Variants in AAGAB observed in about 807,000 individuals in gnomAD.
The protein encoded by AAGAB is alpha and gamma adaptin binding protein, also known as alpha- and gamma-adaptin-binding protein p34.
AAGAB carries 38 observed loss-of-function variants against 44.1 expected under a neutral mutation model. The ratio of observed to expected loss-of-function variants is 0.86; its 90% confidence interval spans 0.67 to 1.13. AAGAB has a LOEUF of 1.13. Among genes scored for constraint, AAGAB ranks in the 50% most tolerant of loss-of-function variants. AAGAB has a pLI of 0.00. For missense variants in AAGAB, 450 were observed against 373.8 expected (o/e 1.20, Z -1.68); for synonymous variants, 131 against 131.8 (o/e 0.99, Z 0.04).
chr15:67,222,430 T>C (rs1174744351), intron 5 of AAGAB, among the ~76,000 whole-genome samples: 2 of 151,918 alleles, frequency 1.3e-5, no homozygotes, highest in Non-Finnish European at 2.9e-5. Context: ...TTTTCTCCTC[T>C]CTCCTCAAAT....
intron 1 of AAGAB, among the ~76,000 whole-genome samples, chr15:67,249,449 C>A (rs1406612184): frequency 1.3e-5 from 2 of 152,156 alleles, no homozygotes; most frequent in Non-Finnish European, 2.9e-5. Context: ...TCTCTGAGTT[C>A]ACTCAATTGA....
chr15:67,207,231 A>C (rs545503600), intron 7 of AAGAB, among the ~76,000 whole-genome samples: 2 of 152,248 alleles, frequency 1.3e-5, no homozygotes, highest in African/African-American at 4.8e-5. Context: ...CACACACACA[A>C]AAAGAAAGCA....
intron 5 of AAGAB, among the ~76,000 whole-genome samples, chr15:67,216,063 G>A (rs1437301056): frequency 1.3e-5 from 2 of 151,964 alleles, no homozygotes; most frequent in Non-Finnish European, 2.9e-5. Context: ...AACATGACCA[G>A]AAAATAATAA....
chr15:67,254,329 C>G, intron 1 of AAGAB: 1 of 1,230,710 alleles, frequency 8.1e-7, no homozygotes, highest in Non-Finnish European at 1.1e-6. Flanking sequence ...GGAAATCAGT[C>G]TCACTTTACA....
At chr15:67,233,956 T>C (rs1383347666) in intron 4 of AAGAB, among the ~76,000 whole-genome samples, 2 of 151,726 alleles carry the variant, frequency 1.3e-5, no homozygotes, top group Non-Finnish European at 2.9e-5. Context: ...AAATTGAAAA[T>C]ACTCTGCTGG....
intron 1 of AAGAB, among the ~76,000 whole-genome samples, chr15:67,249,772 C>A (rs2140400183): frequency 6.6e-6 from 1 of 152,272 alleles, no homozygotes; most frequent in South Asian, 2.1e-4. Flanking sequence ...GCATATAAAT[C>A]CTGAATTTGA....
chr15:67,221,793 T>C (rs1387799885), intron 5 of AAGAB, among the ~76,000 whole-genome samples: 1 of 152,236 alleles, frequency 6.6e-6, no homozygotes, highest in East Asian at 1.9e-4. Context: ...GGCAAGTGTC[T>C]TAATTTTTAG....
In AAGAB at chr15:67,236,418, CA is replaced by C; in HGVS notation, c.350del (p.Val117GlyfsTer6). On this transcript the variant is annotated frameshift_variant, in exon 3 of 10. Transcript: ENST00000261880. LOFTEE classifies it high-confidence loss of function. ...PEVMILVCDR[V>X]SEDGINRQKA... ...ATCCACAGGCCTTACCATCTTCAGA[CA>C]CTCTATCGCAGACCAAGATCATCAC... 1 of 1,614,044 alleles carries C rather than the reference CA, an allele frequency of 6.2e-7. No homozygotes were observed. Among genetic ancestry groups the C allele is most frequent in the Non-Finnish European group, 8.5e-7 (1 of 1,179,940 alleles).
intron 1 of AAGAB, among the ~76,000 whole-genome samples, chr15:67,243,733 C>G (rs1241354267): frequency 6.6e-6 from 1 of 152,142 alleles, no homozygotes; most frequent in Non-Finnish European, 1.5e-5. Context: ...TTCTGGAATG[C>G]AAAATTGGTT....
At chr15:67,254,231 T>C (rs1964999704) in intron 1 of AAGAB, 1 of 337,650 alleles carries the variant, frequency 3.0e-6, no homozygotes, top group Non-Finnish European at 5.3e-6. Flanking sequence ...CACCTTACAC[T>C]CCTGTAACCT....
chr15:67,207,020 A>G (rs575852315), intron 7 of AAGAB, among the ~76,000 whole-genome samples: 70 of 152,280 alleles, frequency 4.6e-4, no homozygotes, highest in African/African-American at 1.6e-3. Context: ...CGTCTCTACT[A>G]AAAAACAACA....
chr15:67,236,038 C>T lies in AAGAB; in HGVS notation c.392G>A (p.Cys131Tyr). The change falls in exon 4 of 10, where the codon TGC becomes TAC. Residue 131 changes from cysteine to tyrosine, a missense_variant. Physicochemically the swap from Cys to Tyr is radical, Grantham distance 194 (BLOSUM62 -2). Transcript: ENST00000261880. ...GINRQKAQEWCIKHGFELVEL... is the reference protein window; with the variant it reads ...GINRQKAQEWYIKHGFELVEL... The stretch of plus-strand genomic sequence containing the variant: ...TACCAATTCAAAGCCATGTTTGATG[C>T]ACCATTCTTGAGCTTTTTGTCGGTT... 3 of 1,613,162 alleles carry T rather than the reference C, an allele frequency of 1.9e-6. No individual in the cohort carries two copies. The highest frequency in any genetic ancestry group is 2.5e-6 in the Non-Finnish European group (3 of 1,179,470).
chr15:67,205,583 G>A (rs759203757), intron 7 of AAGAB, among the ~76,000 whole-genome samples: 6 of 152,208 alleles, frequency 3.9e-5, no homozygotes, highest in Non-Finnish European at 8.8e-5. Flanking sequence ...AGGCGACACC[G>A]TGTTGGGTGA....
intron 1 of AAGAB, among the ~76,000 whole-genome samples, chr15:67,249,291 T>C (rs111611305): frequency 1.3e-5 from 2 of 152,122 alleles, no homozygotes; most frequent in African/African-American, 4.8e-5. Flanking sequence ...CCCCTCGGAC[T>C]CCCAAAGTGC....
In AAGAB at chr15:67,202,731, G is replaced by T. The variant is rs1270499371; in HGVS notation, c.*90C>A. The T allele has an allele frequency of 4.7e-6, 6 of 1,264,342 alleles. No homozygotes were observed. Among genetic ancestry groups the T allele is most frequent in the Non-Finnish European group, 6.9e-6 (6 of 865,034 alleles). The allele number at this position is 1,264,342 out of a possible 1,614,324, so 78.3% of individuals were successfully genotyped here. On this transcript the variant is annotated 3_prime_UTR_variant, in exon 10 of 10. Transcript: ENST00000261880. ...CAAGTCAGGCAGCCAACATGATAAG[G>T]GCAATTTTGGCAAAATATGACTGGG...
intron 5 of AAGAB, among the ~76,000 whole-genome samples, chr15:67,210,992 A>G (rs1963805839): frequency 6.6e-6 from 1 of 152,070 alleles, no homozygotes; most frequent in African/African-American, 2.4e-5. Context: ...ACTACCTATA[A>G]ATTCCCTATA....
chr15:67,205,615 A>C (rs1391951474), intron 7 of AAGAB, among the ~76,000 whole-genome samples: 1 of 152,222 alleles, frequency 6.6e-6, no homozygotes, highest in Non-Finnish European at 1.5e-5. Context: ...AAAATGTTTC[A>C]AAGAGGAATT....
chr15:67,244,206 T>C (rs1179430642), intron 1 of AAGAB, among the ~76,000 whole-genome samples: 1 of 152,122 alleles, frequency 6.6e-6, no homozygotes, highest in Non-Finnish European at 1.5e-5. Flanking sequence ...ACTCAAGTAT[T>C]GAAAATAAGC....
chr15:67,254,962 T>TA, upstream of AAGAB: 2 of 1,610,970 alleles, frequency 1.2e-6, no homozygotes, highest in Non-Finnish European at 1.7e-6. Flanking sequence ...GAAACGGGCT[T>TA]CCCCCGGCCC....
Sources: gnomAD v4.1 joint callset for allele counts (sites outside exome capture counted in the v4.1 genomes callset) on GRCh38, gnomAD v4.1.1 for gene constraint, MANE v1.5 for transcripts, NCBI Gene and HGNC (gene_info 2026-07-23, HGNC 2026-07-21) for gene names.